Variants in LMNTD1 observed in about 807,000 individuals in gnomAD.
LMNTD1 encodes lamin tail domain containing 1.
A neutral mutation model predicts 50.9 loss-of-function variants in LMNTD1; 35 were observed. The ratio of observed to expected loss-of-function variants is 0.69; its 90% confidence interval spans 0.53 to 0.91. The LOEUF (loss-of-function observed/expected upper bound fraction) is 0.91. Among genes scored for constraint, LMNTD1 ranks in the 40% least tolerant of loss-of-function variants. The probability of loss-of-function intolerance (pLI) is 0.00; values close to 1 mark genes in which losing one functional copy is unlikely to be tolerated. For missense variants in LMNTD1, 470 were observed against 475.5 expected, an observed-to-expected ratio of 0.99 and a Z score of 0.11; for synonymous variants, 153 against 161.9, an observed-to-expected ratio of 0.94 and a Z score of 0.42.
chr12:25,612,784 A>G (rs886995986), intron 1 of LMNTD1, among the ~76,000 whole-genome samples: 6 of 152,186 alleles, frequency 3.9e-5, no homozygotes, highest in African/African-American at 1.4e-4. Flanking sequence ...TAATGGCCCC[A>G]AAGACATCTA....
intron 1 of LMNTD1, chr12:25,586,221 A>G (rs1287144013): frequency 6.7e-6 from 1 of 150,168 alleles, no homozygotes; most frequent in Non-Finnish European, 1.5e-5. Context: ...CGTTTGTTTT[A>G]TGTTGAAAAT....
intron 8 of LMNTD1, among the ~76,000 whole-genome samples, chr12:25,513,183 C>T (rs552081596): frequency 2.0e-5 from 3 of 152,334 alleles, no homozygotes; most frequent in African/African-American, 7.2e-5. Flanking sequence ...AGCACATCTT[C>T]CACTAAGATG....
At chr12:25,552,581 G>GGAAAA (rs1352627059) in intron 2 of LMNTD1, among the ~76,000 whole-genome samples, 17 of 58,170 alleles carry the variant, frequency 2.9e-4, no homozygotes, top group African/African-American at 9.8e-4. Flanking sequence ...CACTCTGTCT[G>GGAAAA]AAAAAAAAAA....
intron 8 of LMNTD1, among the ~76,000 whole-genome samples, chr12:25,507,975 C>T (rs1055728253): frequency 6.6e-6 from 1 of 151,518 alleles, no homozygotes; most frequent in African/African-American, 2.4e-5. Flanking sequence ...ACTGAATAAG[C>T]TTCATGTTAT....
At chr12:25,511,965 T>C (rs976394325) in intron 8 of LMNTD1, among the ~76,000 whole-genome samples, 2 of 152,206 alleles carry the variant, frequency 1.3e-5, no homozygotes, top group African/African-American at 4.8e-5. Flanking sequence ...AATACCTTAG[T>C]TCCAATGCTA....
At chr12:25,478,336 G>A (rs1169128237) in intron 9 of LMNTD1, among the ~76,000 whole-genome samples, 1 of 152,026 alleles carries the variant, frequency 6.6e-6, no homozygotes, top group African/African-American at 2.4e-5. Flanking sequence ...CATACAACCG[G>A]AAATGCACCA....
In LMNTD1 at chr12:25,489,064, G is replaced by A. The variant is rs532752795; in HGVS notation, c.*23-12604C>T. On this transcript the variant is annotated intron_variant, in intron 9 of 9. Transcript: ENST00000458174. ...GACAGGGACATTTAAGTCTGCAGAGGTTACTGCTGTCTTTTTGTTTGTCTG... is the reference window on the plus strand; with the variant it reads ...GACAGGGACATTTAAGTCTGCAGAGATTACTGCTGTCTTTTTGTTTGTCTG... 8.3e-3 allele frequency among the ~76,000 whole-genome samples: 1,256 copies of A among 152,212 alleles called. 10 individuals are homozygous for A. Among genetic ancestry groups the A allele is most frequent in the Middle Eastern group, 0.014 (4 of 294 alleles).
chr12:25,602,300 A>T (rs1473333396), intron 1 of LMNTD1, among the ~76,000 whole-genome samples: 1 of 151,884 alleles, frequency 6.6e-6, no homozygotes, highest in Non-Finnish European at 1.5e-5. Flanking sequence ...GCATCCAAAG[A>T]AAAAAGAAAG....
rs1318323728 is a variant in LMNTD1, at chr12:25,476,297, A to G, written c.*186T>C. 6.6e-6 allele frequency: 1 copy of G among 152,228 alleles called. No homozygotes were observed. The highest frequency in any genetic ancestry group is 1.9e-4 in the East Asian group (1 of 5,202). The allele number at this position is 152,228 out of a possible 1,614,324, so 9.4% of individuals were successfully genotyped here. A position where few individuals can be genotyped will look rare whatever the true frequency, so the allele number is the denominator to read the frequency against. The stretch of plus-strand genomic sequence containing the variant: ...GGACTTGTGATTTCATCAAGCATCT[A>G]TAATTCACCAATTCTACAGCAATAC... On this transcript the variant is annotated 3_prime_UTR_variant, in exon 10 of 10. Coordinates refer to ENST00000458174, the MANE Select transcript of LMNTD1 (RefSeq NM_001145728.2).
At chr12:25,538,704 A>T (rs1223016885) in intron 4 of LMNTD1, among the ~76,000 whole-genome samples, 5 of 117,658 alleles carry the variant, frequency 4.2e-5, no homozygotes, top group Non-Finnish European at 7.6e-5. Context: ...TAATGACAGG[A>T]TCAAATTCAC....
intron 1 of LMNTD1, among the ~76,000 whole-genome samples, chr12:25,562,152 G>T (rs936540771): frequency 6.6e-5 from 10 of 152,132 alleles, no homozygotes; most frequent in Non-Finnish European, 1.2e-4. Context: ...GGTTAATATT[G>T]TTATGTGTGA....
At chr12:25,637,442 A>G (rs182255948) in intron 1 of LMNTD1, among the ~76,000 whole-genome samples, 1 of 152,330 alleles carries the variant, frequency 6.6e-6, no homozygotes, top group African/African-American at 2.4e-5. Context: ...AACCAAAAGG[A>G]AATTCTGGCA....
At chr12:25,522,310 G>GGT (rs1023989775) in intron 6 of LMNTD1, among the ~76,000 whole-genome samples, 3 of 152,096 alleles carry the variant, frequency 2.0e-5, no homozygotes, top group Non-Finnish European at 4.4e-5. Context: ...CCCTTATTGA[G>GGT]GTGTGTGCCT....
At chr12:25,553,559 C>T (rs769295021), upstream of LMNTD1, among the ~76,000 whole-genome samples, 7 of 151,650 alleles carry the variant, frequency 4.6e-5, no homozygotes, top group East Asian at 1.9e-4. Flanking sequence ...TTTTTTCTTT[C>T]TCTCTCTCTG....
chr12:25,527,799 G>A (rs1941922903), intron 4 of LMNTD1, among the ~76,000 whole-genome samples: 1 of 144,124 alleles, frequency 6.9e-6, no homozygotes, highest in African/African-American at 2.6e-5. Context: ...TCTGTATATA[G>A]TTCTCCACAA....
At position 25,584,106 on chromosome 12, in the gene LMNTD1, T is replaced by C. The variant is rs1945422357; in HGVS notation, c.59-37552A>G. ...AAGCTGGCAGAATTTGCTGGCAGAT[T>C]AGATAGGAAGTGTAAGAGGAAAAGA... On this transcript the variant is annotated intron_variant, in intron 1 of 7. Coordinates refer to the LMNTD1 transcript ENST00000445693. 2.6e-5 allele frequency among the ~76,000 whole-genome samples: 4 copies of C among 152,028 alleles called. No individual in the cohort carries two copies. In the South Asian group the frequency reaches 8.3e-4, roughly 31 times the overall value.
rs576452898 is a variant in LMNTD1 at position 25,590,101 on chromosome 12, G to A, written c.59-43547C>T. Among the ~76,000 whole-genome samples the A allele has an allele frequency of 2.7e-5, 4 of 146,802 alleles. No homozygotes were observed. In the South Asian group the frequency reaches 8.6e-4, roughly 32 times the overall value. ...CCTCTATAAGAACCAAAAATCAGCT[G>A]AGTACACACAATACTTGGTTCTAAC... On this transcript the variant is annotated intron_variant, in intron 1 of 7. Transcript: ENST00000445693.
At chr12:25,641,629 T>A (rs1325500768) in intron 1 of LMNTD1, among the ~76,000 whole-genome samples, 3 of 152,142 alleles carry the variant, frequency 2.0e-5, no homozygotes, top group African/African-American at 4.8e-5. Context: ...TTTATAAAAG[T>A]AATATAATAA....
intron 1 of LMNTD1, among the ~76,000 whole-genome samples, chr12:25,560,136 G>A (rs139365497): frequency 0.011 from 1,680 of 152,278 alleles, 41 homozygotes; most frequent in African/African-American, 0.039. Flanking sequence ...GTCCTGAATG[G>A]TATTGCCTAG....
Sources: gnomAD v4.1 joint callset for allele counts (sites outside exome capture counted in the v4.1 genomes callset) on GRCh38, gnomAD v4.1.1 for gene constraint, MANE v1.5 for transcripts, NCBI Gene and HGNC (gene_info 2026-07-23, HGNC 2026-07-21) for gene names.